SYN2: variants seen among roughly 807,000 people sequenced by gnomAD.
SYN2 encodes the protein synapsin II, also known as synapsin-2.
Under a neutral mutation model 50.9 loss-of-function variants are expected in SYN2, and 19 were observed. That is an observed-to-expected ratio of 0.37 (90% CI 0.26 to 0.55). The LOEUF (loss-of-function observed/expected upper bound fraction) is 0.55, where lower values mean the gene tolerates loss of function less well. SYN2 is among the 20% of genes least tolerant of loss of function. The pLI is 0.81. For synonymous variants in SYN2, 255 were observed against 224.9 expected (o/e 1.13, Z -1.20); for missense variants, 587 against 576.4 (o/e 1.02, Z -0.19).
chr3:12,062,230 A>G (rs1046569964), intron 1 of SYN2, among the ~76,000 whole-genome samples: 2 of 152,040 alleles, frequency 1.3e-5, no homozygotes, highest in East Asian at 3.8e-4. Context: ...CACAGATAAT[A>G]ATCAAATGAT....
At chr3:12,167,073 A>C (rs777854792) in intron 7 of SYN2, among the ~76,000 whole-genome samples, 161 bp from the exon 8 acceptor site, 319 of 152,304 alleles carry the variant, frequency 2.1e-3, no homozygotes, top group Non-Finnish European at 3.9e-3. Flanking sequence ...GGGATTTGGC[A>C]GAGGCACCCA....
In SYN2 at chr3:12,004,580, CG is replaced by C; in HGVS notation, c.31del (p.Asp11ThrfsTer13). MMNFLRRRLSDSSFIANLPN... is the reference protein window; with the variant it reads MMNFLRRRLXDSSFIANLPN... ...ATGAACTTCCTGCGGCGCCGGCTGT[CG>C]GACAGCAGCTTCATCGCCAACCTGC... On this transcript the variant is annotated frameshift_variant, in exon 1 of 13. Coordinates refer to ENST00000621198, the MANE Select transcript of SYN2 (RefSeq NM_133625.6). LOFTEE classifies it high-confidence loss of function. 1.5e-6 allele frequency: 1 copy of C among 670,120 alleles called. No homozygotes were observed. Among genetic ancestry groups the C allele is most frequent in the Non-Finnish European group, 2.8e-6 (1 of 360,064 alleles). 41.5% of individuals were successfully genotyped at this position (670,120 alleles called of 1,614,324 possible).
chr3:12,147,404 T>C (rs1697176585), intron 4 of SYN2, among the ~76,000 whole-genome samples: 1 of 152,176 alleles, frequency 6.6e-6, no homozygotes, highest in South Asian at 2.1e-4. Flanking sequence ...GTTCCCAAGC[T>C]CCACTTGTTC....
chr3:12,140,835 C>CCT, intron 2 of SYN2, 127 bp downstream of exon 2: 1 of 694,190 alleles, frequency 1.4e-6, no homozygotes, highest in Non-Finnish European at 2.7e-6. Flanking sequence ...CTCTGCATCT[C>CCT]CTCTCTCTCC....
chr3:12,161,488 G>C, intron 5 of SYN2, 58 bp from the exon 6 acceptor site: 1 of 1,592,156 alleles, frequency 6.3e-7, no homozygotes, highest in South Asian at 1.1e-5. Flanking sequence ...ATATGTGTAG[G>C]ATTCCACGGA....
intron 1 of SYN2, among the ~76,000 whole-genome samples, chr3:12,123,713 C>G (rs1696608468): frequency 6.6e-6 from 1 of 152,084 alleles, no homozygotes; most frequent in East Asian, 1.9e-4. Flanking sequence ...TTTGGGAGTT[C>G]AAGGCGAGTG....
At chr3:12,059,383 A>T (rs927108742) in intron 1 of SYN2, among the ~76,000 whole-genome samples, 12 of 152,086 alleles carry the variant, frequency 7.9e-5, no homozygotes, top group African/African-American at 2.7e-4. Context: ...ACATTTTCTG[A>T]TTTGCAGTTG....
intron 1 of SYN2, among the ~76,000 whole-genome samples, chr3:12,138,228 A>G (rs961237938): frequency 3.3e-5 from 5 of 152,168 alleles, no homozygotes; most frequent in Non-Finnish European, 5.9e-5. Flanking sequence ...CTCCTTTTCT[A>G]TAAGGTTGTG....
At position 12,004,926 on chromosome 3, in the gene SYN2, C is replaced by G. The variant is rs1220145131; in HGVS notation, c.375C>G (p.Asp125Glu). The change falls in exon 1 of 13, where the codon GAC becomes GAG. Residue 125 changes from aspartate (D) to glutamate (E), a missense_variant and splice_region_variant. Asp to Glu is a conservative substitution (Grantham distance 45). Transcript: ENST00000621198. ...VLLVVDEPHA[D>E]WAKCFRGKKV... ...TGGTGGTCGACGAGCCGCACGCCGA[C>G]TGGTAGGTGCCGGGCGCCGCCGCCC... 3.6e-6 allele frequency: 2 copies of G among 558,770 alleles called. No homozygotes were observed. The highest frequency in any genetic ancestry group is 4.0e-5 in the African/African-American group (2 of 50,276). 34.6% of individuals were successfully genotyped at this position (558,770 alleles called of 1,614,324 possible). A position where few individuals can be genotyped will look rare whatever the true frequency, so the allele number is the denominator to read the frequency against.
chr3:12,105,626 A>G (rs1696169135), intron 1 of SYN2, among the ~76,000 whole-genome samples: 1 of 151,690 alleles, frequency 6.6e-6, no homozygotes, highest in African/African-American at 2.4e-5. Flanking sequence ...AACAATGTAT[A>G]ATATTCTCAA....
At chr3:12,083,730 T>A (rs551296147) in intron 1 of SYN2, among the ~76,000 whole-genome samples, 89 of 152,312 alleles carry the variant, frequency 5.8e-4, no homozygotes, top group Non-Finnish European at 7.1e-4. Context: ...TACCTAGTGG[T>A]CTCTGGTGAG....
intron 4 of SYN2, among the ~76,000 whole-genome samples, chr3:12,149,598 T>C (rs1697230431): frequency 1.3e-5 from 2 of 152,138 alleles, no homozygotes; most frequent in Admixed American, 1.3e-4. Context: ...AGCCTCAATC[T>C]CAATTTGTCA....
intron 10 of SYN2, among the ~76,000 whole-genome samples, chr3:12,179,007 G>A (rs1010534440): frequency 1.3e-5 from 2 of 152,190 alleles, no homozygotes; most frequent in African/African-American, 4.8e-5. Flanking sequence ...AATGGAATGA[G>A]CTGGGCATTT....
At chr3:12,123,718 C>T (rs1027718035) in intron 1 of SYN2, among the ~76,000 whole-genome samples, 3 of 152,052 alleles carry the variant, frequency 2.0e-5, no homozygotes, top group Admixed American at 6.6e-5. Flanking sequence ...GAGTTCAAGG[C>T]GAGTGGATAG....
intron 1 of SYN2, among the ~76,000 whole-genome samples, chr3:12,019,094 A>G (rs1694077506): frequency 6.6e-6 from 1 of 152,218 alleles, no homozygotes; most frequent in Non-Finnish European, 1.5e-5. Flanking sequence ...GACTCATTCC[A>G]GATGTGAACG....
chr3:12,010,950 G>T (rs1488882559), intron 1 of SYN2, among the ~76,000 whole-genome samples: 1 of 152,196 alleles, frequency 6.6e-6, no homozygotes, highest in Non-Finnish European at 1.5e-5. Context: ...GGGACTTGTG[G>T]CTAAATCTAT....
At chr3:12,108,338 G>T (rs1696242743) in intron 1 of SYN2, among the ~76,000 whole-genome samples, 1 of 152,202 alleles carries the variant, frequency 6.6e-6, no homozygotes, top group African/African-American at 2.4e-5. Flanking sequence ...TAGTGAGTTG[G>T]TGGCAAAGCG....
chr3:12,136,541 T>C (rs943753683), intron 1 of SYN2, among the ~76,000 whole-genome samples: 1 of 152,156 alleles, frequency 6.6e-6, no homozygotes, highest in African/African-American at 2.4e-5. Flanking sequence ...AAAGAGGGCG[T>C]ATTTAAGCTA....
chr3:12,104,092 G>A (rs1407580634), intron 1 of SYN2, among the ~76,000 whole-genome samples: 1 of 152,120 alleles, frequency 6.6e-6, no homozygotes, highest in Non-Finnish European at 1.5e-5. Flanking sequence ...GAATGCTAGA[G>A]TAGTTACATT....
Sources: allele counts gnomAD v4.1 joint callset (sites outside exome capture counted in the v4.1 genomes callset), GRCh38; gene constraint gnomAD v4.1.1; transcripts MANE v1.5; gene names NCBI Gene and HGNC (gene_info 2026-07-23, HGNC 2026-07-21).